TMC1: variants seen among roughly 807,000 people sequenced by gnomAD.
TMC1 encodes transmembrane channel like 1.
In TMC1, 84 loss-of-function variants were observed where a neutral mutation model predicts 105.8. The ratio of observed to expected loss-of-function variants is 0.79; its 90% CI spans 0.67 to 0.95. The LOEUF is 0.95. Ranked by LOEUF, TMC1 falls within the 40% of genes least tolerant of loss-of-function variation. The pLI is 0.00. For missense variants in TMC1, 817 were observed against 914.1 expected (o/e 0.89, Z 1.37); for synonymous variants, 315 against 311.5 (o/e 1.01, Z -0.12).
intron 5 of TMC1, among the ~76,000 whole-genome samples, chr9:72,667,528 A>G (rs1476195530): frequency 1.3e-5 from 2 of 152,198 alleles, no homozygotes; most frequent in Admixed American, 1.3e-4. Context: ...TTCACTACCA[A>G]ATGTAGTTGG....
chr9:72,562,723 G>GA (rs11396260), intron 1 of TMC1, among the ~76,000 whole-genome samples: 60,774 of 151,950 alleles, frequency 0.4, 13,913 homozygotes, highest in African/African-American at 0.62. Flanking sequence ...TTCCAAGTAA[G>GA]AAAAATCATA....
intron 1 of TMC1, among the ~76,000 whole-genome samples, chr9:72,574,173 C>T (rs7869616): frequency 6.6e-6 from 1 of 152,158 alleles, no homozygotes; most frequent in African/African-American, 2.4e-5. Context: ...TGGCCATGCT[C>T]CATGCTCCAT....
At chr9:72,623,147 G>GTTTTTTTTTTTTCTTTTTT (rs1825285725) in intron 3 of TMC1, among the ~76,000 whole-genome samples, 1 of 113,678 alleles carries the variant, frequency 8.8e-6, no homozygotes. Context: ...CTCTCTCCCT[G>GTTTTTTTTTTTTCTTTTTT]TTTTTTTTTT....
chr9:72,612,006 T>C (rs1408222698), intron 2 of TMC1, among the ~76,000 whole-genome samples: 1 of 152,108 alleles, frequency 6.6e-6, no homozygotes, highest in African/African-American at 2.4e-5. Flanking sequence ...AGTGGGCTGC[T>C]TTGCCCTCCT....
chr9:72,627,130 C>T (rs1825361734), intron 3 of TMC1, among the ~76,000 whole-genome samples: 1 of 150,308 alleles, frequency 6.7e-6, no homozygotes, highest in Non-Finnish European at 1.5e-5. Flanking sequence ...TAAAATAGTA[C>T]CCAGTGTTCA....
intron 10 of TMC1, among the ~76,000 whole-genome samples, chr9:72,748,261 A>G (rs1827525751): frequency 1.3e-5 from 2 of 152,156 alleles, no homozygotes; most frequent in Non-Finnish European, 2.9e-5. Flanking sequence ...AAATGGGAAA[A>G]CAATAGTTCC....
intron 18 of TMC1, among the ~76,000 whole-genome samples, chr9:72,807,829 G>A (rs1828629505): frequency 6.6e-6 from 1 of 152,214 alleles, no homozygotes; most frequent in African/African-American, 2.4e-5. Context: ...GCAAGTGGTG[G>A]AGCTGAATTC....
At chr9:72,544,933 C>T (rs1232074127) in intron 1 of TMC1, among the ~76,000 whole-genome samples, 1 of 151,874 alleles carries the variant, frequency 6.6e-6, no homozygotes, top group Non-Finnish European at 1.5e-5. Context: ...TTTTATCCTT[C>T]ACCCCCCCAA....
At chr9:72,583,910 A>T (rs1305055847) in intron 2 of TMC1, among the ~76,000 whole-genome samples, 1 of 152,238 alleles carries the variant, frequency 6.6e-6, no homozygotes, top group African/African-American at 2.4e-5. Context: ...AAAACAATGC[A>T]TTTGTATCAG....
intron 5 of TMC1, among the ~76,000 whole-genome samples, chr9:72,653,754 C>G (rs1011279911): frequency 6.6e-6 from 1 of 152,098 alleles, no homozygotes; most frequent in African/African-American, 2.4e-5. Flanking sequence ...TGGAATAAAT[C>G]CACACATTCC....
At chr9:72,707,653 G>T (rs2117895908) in intron 8 of TMC1, among the ~76,000 whole-genome samples, 1 of 152,032 alleles carries the variant, frequency 6.6e-6, no homozygotes, top group East Asian at 1.9e-4. Context: ...GTAGATTCTG[G>T]ATATTAGTCT....
At chr9:72,748,551 G>T (rs941303202) in intron 10 of TMC1, among the ~76,000 whole-genome samples, 3 of 151,896 alleles carry the variant, frequency 2.0e-5, no homozygotes, top group Admixed American at 2.0e-4. Context: ...TACTCATTTT[G>T]CTTCCTTACA....
At chr9:72,807,163 G>T (rs1371581036) in intron 18 of TMC1, among the ~76,000 whole-genome samples, 1 of 152,238 alleles carries the variant, frequency 6.6e-6, no homozygotes, top group Non-Finnish European at 1.5e-5. Context: ...TCAGTCAGGA[G>T]AATCAGGCAG....
intron 9 of TMC1, among the ~76,000 whole-genome samples, chr9:72,741,802 TA>T (rs1827394117): frequency 6.6e-6 from 1 of 152,232 alleles, no homozygotes; most frequent in Non-Finnish European, 1.5e-5. Context: ...TCCTCTTGAC[TA>T]TGGATGACCC....
intron 12 of TMC1, among the ~76,000 whole-genome samples, chr9:72,760,012 T>C (rs1173614343): frequency 2.6e-5 from 4 of 152,196 alleles, no homozygotes; most frequent in Admixed American, 2.0e-4. Flanking sequence ...ATAATAATCT[T>C]GTAATTCCCA....
intron 2 of TMC1, among the ~76,000 whole-genome samples, chr9:72,613,950 C>G (rs1319519683): frequency 6.6e-6 from 1 of 151,972 alleles, no homozygotes. Context: ...TTCTGGGGCT[C>G]TATGTTTAAA....
intron 5 of TMC1, among the ~76,000 whole-genome samples, chr9:72,682,996 T>C (rs748872004): frequency 4.6e-5 from 7 of 152,170 alleles, no homozygotes; most frequent in Non-Finnish European, 8.8e-5. Context: ...AAACAAGATC[T>C]TGTGAGAACT....
rs546167821 is a variant in TMC1, at chr9:72,768,622, A to G, written c.742-3791A>G. 4.6e-5 allele frequency among the ~76,000 whole-genome samples: 7 copies of G among 152,158 alleles called. No individual in the cohort carries two copies. In the East Asian group the frequency reaches 1.4e-3, roughly 29 times the overall value. On this transcript the variant is annotated intron_variant, in intron 12 of 23. Coordinates refer to ENST00000297784, the MANE Select transcript of TMC1 (RefSeq NM_138691.3). ...CCTGCCCCAACTAGAAAAACAAAAC[A>G]ACACAAAACAAAACAAAACCAGAAC...
intron 2 of TMC1, among the ~76,000 whole-genome samples, chr9:72,613,949 T>A (rs1398241200): frequency 2.0e-5 from 3 of 152,122 alleles, no homozygotes; most frequent in Non-Finnish European, 2.9e-5. Flanking sequence ...CTTCTGGGGC[T>A]CTATGTTTAA....
Sources: gnomAD v4.1 joint callset for allele counts (sites outside exome capture counted in the v4.1 genomes callset) on GRCh38, gnomAD v4.1.1 for gene constraint, MANE v1.5 for transcripts, NCBI Gene and HGNC (gene_info 2026-07-23, HGNC 2026-07-21) for gene names.